ZBTB43: variants seen among roughly 807,000 people sequenced by gnomAD.
ZBTB43 encodes zinc finger and BTB domain containing 43, also known as zinc finger and BTB domain-containing protein 43.
In ZBTB43, 6 loss-of-function variants were observed where a neutral mutation model predicts 31.1. That is an observed-to-expected ratio of 0.19 (90% CI 0.11 to 0.38). The LOEUF is 0.38. ZBTB43 is among the 10% of genes least tolerant of loss of function. ZBTB43 has a pLI of 1.00. For missense variants in ZBTB43, 379 were observed against 602.1 expected, an observed-to-expected ratio of 0.63 and a Z score of 3.88; for synonymous variants, 212 against 221.7, an observed-to-expected ratio of 0.96 and a Z score of 0.39.
chr9:126,814,500 A>G (rs1489805616), intron 2 of ZBTB43, among the ~76,000 whole-genome samples: 2 of 151,960 alleles, frequency 1.3e-5, no homozygotes, highest in African/African-American at 4.8e-5. Context: ...CTATGTCTGA[A>G]AAAGTATTTT....
Position 126,807,185 on chromosome 9 carries a change from G to A in ZBTB43, c.-146-1608G>A, listed in dbSNP as rs567414117. Among the ~76,000 whole-genome samples, 4 of 152,176 alleles carry A rather than the reference G, an allele frequency of 2.6e-5. No individual in the cohort carries two copies. In the South Asian group the frequency reaches 6.2e-4, roughly 24 times the overall value. On this transcript the variant is annotated intron_variant, in intron 1 of 2. Coordinates refer to ENST00000373464, the MANE Select transcript of ZBTB43 (RefSeq NM_014007.4). Reference sequence around the variant, plus strand: ...TGAATCCTAGATGCTGTTATTTCATGTACCACCAAGGAAGGGAGAAACCCT... The same window carrying A: ...TGAATCCTAGATGCTGTTATTTCATATACCACCAAGGAAGGGAGAAACCCT...
At chr9:126,814,812 AAG>A (rs749503359) in intron 2 of ZBTB43, among the ~76,000 whole-genome samples, 22 of 152,138 alleles carry the variant, frequency 1.4e-4, no homozygotes, top group Non-Finnish European at 2.8e-4. Context: ...GAAAGAAAGA[AAG>A]AAAAAGTATT....
intron 2 of ZBTB43, among the ~76,000 whole-genome samples, chr9:126,818,370 G>A (rs1357233614): frequency 1.3e-5 from 2 of 151,854 alleles, no homozygotes; most frequent in African/African-American, 4.8e-5. Context: ...CTGGCCTCAA[G>A]TGATCCTCCC....
In ZBTB43 at chr9:126,837,352, T is replaced by C. The variant is rs2119181585; in HGVS notation, c.*3439T>C. The C allele has an allele frequency of 6.0e-6, 1 of 167,190 alleles. No individual in the cohort carries two copies. Among genetic ancestry groups the C allele is most frequent in the African/African-American group, 2.4e-5 (1 of 41,572 alleles). The allele number at this position is 167,190 out of a possible 1,614,324, so 10.4% of individuals were successfully genotyped here. A position where few individuals can be genotyped will look rare whatever the true frequency, so the allele number is the denominator to read the frequency against. ...AGCTTGCCCAAAGGGATCCCCTCCA[T>C]TCTAGTGGGCATTTGCTGAACTAAC... On this transcript the variant is annotated 3_prime_UTR_variant, in exon 3 of 3. Coordinates refer to ENST00000373464, the MANE Select transcript of ZBTB43 (RefSeq NM_014007.4).
intron 2 of ZBTB43, among the ~76,000 whole-genome samples, chr9:126,826,277 G>A: frequency 6.6e-6 from 1 of 151,600 alleles, no homozygotes; most frequent in Middle Eastern, 3.2e-3. Flanking sequence ...CTCCCAAAGT[G>A]CTGGGATTAC....
chr9:126,836,601 C>A lies in ZBTB43; in HGVS notation c.*2688C>A, dbSNP rs1372416746. The stretch of plus-strand genomic sequence containing the variant: ...CCCCACGTTGAGTTGGAGGAATAGT[C>A]TCTTCTCTTCACCTCAATATAGCTT... On this transcript the variant is annotated 3_prime_UTR_variant, in exon 3 of 3. Transcript: ENST00000373464. 1 of 166,990 alleles carries A rather than the reference C, an allele frequency of 6.0e-6. No individual in the cohort carries two copies. The highest frequency in any genetic ancestry group is 1.5e-5 in the Non-Finnish European group (1 of 68,096). The allele number at this position is 166,990 out of a possible 1,614,324, so 10.3% of individuals were successfully genotyped here.
At position 126,835,207 on chromosome 9, in the gene ZBTB43, C is replaced by G. The variant is rs1308828389; in HGVS notation, c.*1294C>G. On this transcript the variant is annotated 3_prime_UTR_variant, in exon 3 of 3. Coordinates refer to ENST00000373464, the MANE Select transcript of ZBTB43 (RefSeq NM_014007.4). ...TGCTTAAACTTAAAAGTCCACAAAG[C>G]TACGCCGACCAGAAAAAAAAAATTA... 1.2e-5 allele frequency: 2 copies of G among 166,592 alleles called. No homozygotes were observed. The highest frequency in any genetic ancestry group is 2.9e-5 in the Non-Finnish European group (2 of 68,046). The allele number at this position is 166,592 out of a possible 1,614,324, so 10.3% of individuals were successfully genotyped here. A position where few individuals can be genotyped will look rare whatever the true frequency, so the allele number is the denominator to read the frequency against.
rs11559335 is a variant in ZBTB43 at position 126,820,922 on chromosome 9, G to A, written c.-23-11565G>A. On this transcript the variant is annotated intron_variant, in intron 2 of 2. Transcript: ENST00000373464. The stretch of plus-strand genomic sequence containing the variant: ...GTCGAGGCTGCAGTGAGCCACAATC[G>A]CACCACTGCACTCCAGCCTGGGTGA... 0.024 allele frequency among the ~76,000 whole-genome samples: 3,138 copies of A among 133,078 alleles called. 401 individuals carry two copies. The East Asian group carries it at 0.4, about 17-fold the overall frequency. The allele number at this position is 133,078 out of a possible 152,430, so 87.3% of individuals were successfully genotyped here.
intron 2 of ZBTB43, among the ~76,000 whole-genome samples, chr9:126,827,929 A>G (rs1448577987): frequency 1.3e-5 from 2 of 151,988 alleles, no homozygotes; most frequent in Non-Finnish European, 2.9e-5. Flanking sequence ...AGGAGAATCA[A>G]TCGCTTGAAC....
intron 2 of ZBTB43, among the ~76,000 whole-genome samples, chr9:126,819,279 A>ATTTTT (rs71377975): frequency 5.0e-5 from 5 of 100,182 alleles, no homozygotes; most frequent in African/African-American, 1.9e-4. Flanking sequence ...CGGATATTGC[A>ATTTTT]TTTTTTTTTT....
At chr9:126,815,462 C>T (rs1323901673) in intron 2 of ZBTB43, among the ~76,000 whole-genome samples, 1 of 150,776 alleles carries the variant, frequency 6.6e-6, no homozygotes, top group East Asian at 1.9e-4. Context: ...GAAGTTGTCT[C>T]ACAGCTCACT....
At chr9:126,813,101 C>T (rs2032284876) in intron 2 of ZBTB43, among the ~76,000 whole-genome samples, 1 of 152,042 alleles carries the variant, frequency 6.6e-6, no homozygotes, top group South Asian at 2.1e-4. Context: ...CTGTCTCAGC[C>T]TCCCGAATAG....
intron 2 of ZBTB43, chr9:126,832,007 C>A: frequency 6.5e-6 from 1 of 153,996 alleles, no homozygotes; most frequent in Non-Finnish European, 1.4e-5. Flanking sequence ...TACATACAGT[C>A]CCAGCTACTC....
At chr9:126,817,441 G>A (rs1035712988) in intron 2 of ZBTB43, among the ~76,000 whole-genome samples, 2 of 148,072 alleles carry the variant, frequency 1.4e-5, no homozygotes, top group Admixed American at 1.3e-4. Flanking sequence ...TGTCTTTGAA[G>A]TCCCCCATAA....
In ZBTB43 at chr9:126,835,900, A is replaced by G. The variant is rs938943864; in HGVS notation, c.*1987A>G. 6.0e-6 allele frequency: 1 copy of G among 166,976 alleles called. No homozygotes were observed. The highest frequency in any genetic ancestry group is 2.4e-5 in the African/African-American group (1 of 41,404). 10.3% of individuals were successfully genotyped at this position (166,976 alleles called of 1,614,324 possible). ...CCTATTGTCTCCTTTTCTTTCACTC[A>G]TGGTAGAGGCCAGTGGGTTTTAGGT... On this transcript the variant is annotated 3_prime_UTR_variant, in exon 3 of 3. Transcript: ENST00000373464.
intron 2 of ZBTB43, among the ~76,000 whole-genome samples, chr9:126,822,511 G>A (rs1429905444): frequency 1.3e-5 from 2 of 152,164 alleles, no homozygotes; most frequent in African/African-American, 2.4e-5. Flanking sequence ...GGCAGGCTGA[G>A]GCAGGCGGAT....
At chr9:126,828,542 C>T (rs1292512995) in intron 2 of ZBTB43, among the ~76,000 whole-genome samples, 1 of 149,864 alleles carries the variant, frequency 6.7e-6, no homozygotes, top group African/African-American at 2.4e-5. Flanking sequence ...CCTGTAGCCC[C>T]AGCACTCTGG....
intron 2 of ZBTB43, among the ~76,000 whole-genome samples, chr9:126,816,051 A>C (rs2032378279): frequency 6.6e-6 from 1 of 152,122 alleles, no homozygotes; most frequent in South Asian, 2.1e-4. Context: ...TGTCCCCACT[A>C]CTGAGGTAAG....
At position 126,833,871 on chromosome 9, in the gene ZBTB43, C is replaced by T. The variant is rs776691831; in HGVS notation, c.1362C>T (p.Tyr454=). ...HRHVTSCTKS[Y]EAAKAEQNTT... is the part of the protein sequence containing the mutation. ...ATGTGACTTCTTGTACTAAGTCCTACGAAGCTGCAAAGGCTGAGCAGAATA... is the reference window on the plus strand; with the variant it reads ...ATGTGACTTCTTGTACTAAGTCCTATGAAGCTGCAAAGGCTGAGCAGAATA... Residue 454 remains tyrosine (Y), a synonymous_variant, in exon 3 of 3, where the codon TAC becomes TAT. Transcript: ENST00000373464. The surrounding 1 kb of genome is among the most constrained non-coding windows in gnomAD (Gnocchi z 7.9). 4.7e-5 allele frequency: 75 copies of T among 1,593,236 alleles called. No individual in the cohort carries two copies. Among genetic ancestry groups the T allele is most frequent in the East Asian group, 1.6e-4 (7 of 44,194 alleles).
Sources: gnomAD v4.1 joint callset for allele counts (sites outside exome capture counted in the v4.1 genomes callset) on GRCh38, gnomAD v4.1.1 for gene constraint, Gnocchi (gnomAD v3.1) non-coding constraint, MANE v1.5 for transcripts, NCBI Gene and HGNC (gene_info 2026-07-23, HGNC 2026-07-21) for gene names.